MAB21L4: variants seen among roughly 807,000 people sequenced by gnomAD.
MAB21L4 encodes the protein protein mab-21-like 4.
In MAB21L4, 25 loss-of-function variants were observed where a neutral mutation model predicts 32.4. The ratio of observed to expected loss-of-function variants is 0.77; its 90% CI spans 0.56 to 1.08. The LOEUF is 1.08. Ranked by LOEUF, MAB21L4 falls within the 50% of genes least tolerant of loss-of-function variation. MAB21L4 has a pLI of 0.00. For missense variants in MAB21L4, 638 were observed against 611.0 expected (o/e 1.04, Z -0.47); for synonymous variants, 280 against 276.8 (o/e 1.01, Z -0.11).
chr2:240,889,146 C>T (rs973896997), intron 3 of MAB21L4, among the ~76,000 whole-genome samples: 2 of 152,170 alleles, frequency 1.3e-5, no homozygotes, highest in African/African-American at 4.8e-5. Context: ...TGCCCCAGGC[C>T]CTGTCTCACA....
chr2:240,894,195 G>A (rs1333361916), intron 1 of MAB21L4, among the ~76,000 whole-genome samples: 5 of 151,866 alleles, frequency 3.3e-5, no homozygotes, highest in African/African-American at 1.2e-4. Context: ...GCAGATCATG[G>A]CCTCTCGCGA....
intron 2 of MAB21L4, among the ~76,000 whole-genome samples, chr2:240,890,568 C>T (rs777454463): frequency 4.6e-5 from 7 of 152,204 alleles, no homozygotes; most frequent in African/African-American, 7.2e-5. Flanking sequence ...CACACCCCAG[C>T]CCCGCCTATG....
chr2:240,894,014 C>T (rs1259082389), intron 1 of MAB21L4, among the ~76,000 whole-genome samples: 1 of 151,980 alleles, frequency 6.6e-6, no homozygotes, highest in Non-Finnish European at 1.5e-5. Flanking sequence ...AGTCACTTAC[C>T]CCAGGGCACT....
intron 4 of MAB21L4, among the ~76,000 whole-genome samples, chr2:240,887,376 C>T (rs2059104970): frequency 6.6e-6 from 1 of 152,246 alleles, no homozygotes; most frequent in African/African-American, 2.4e-5. Context: ...GCGTCCCTGG[C>T]ATGGGCCTAC....
upstream of MAB21L4, chr2:240,896,245 A>G: frequency 9.2e-7 from 1 of 1,081,734 alleles, no homozygotes; most frequent in Non-Finnish European, 1.2e-6. Flanking sequence ...GGGGCCATGC[A>G]GGGCAGGCGG....
Position 240,888,373 on chromosome 2 carries a change from G to T in MAB21L4, c.1170C>A (p.Ser390=). The stretch of plus-strand genomic sequence containing the variant: ...GCAGCTGCAGGAGCGCCTTGAGCCC[G>T]GAGCCGATGCGCGGCGGGGGGCTGC... ...LGRSPPPRIG[S]GLKALLQLPA... Residue 390 remains serine (S), a synonymous_variant, in exon 4 of 5, where the codon TCC becomes TCA. Transcript: ENST00000388934. 6.4e-7 allele frequency: 1 copy of T among 1,569,638 alleles called. No individual in the cohort carries two copies. The highest frequency in any genetic ancestry group is 8.6e-7 in the Non-Finnish European group (1 of 1,160,668).
At chr2:240,893,740 A>ACTCTGGGGGCATGAGGAGCCT (rs1553651790) in intron 1 of MAB21L4, among the ~76,000 whole-genome samples, 3 of 151,582 alleles carry the variant, frequency 2.0e-5, no homozygotes, top group Non-Finnish European at 2.9e-5. Context: ...CTCAGGAGGC[A>ACTCTGGGGGCATGAGGAGCCT]CTCTGGGGGC....
In MAB21L4 at chr2:240,888,664, G is replaced by A. The variant is rs1375821244; in HGVS notation, c.895-16C>T. On this transcript the variant is annotated splice_polypyrimidine_tract_variant and intron_variant, in intron 3 of 4. Coordinates refer to ENST00000388934, the MANE Select transcript of MAB21L4 (RefSeq NM_001085437.3). The stretch of plus-strand genomic sequence containing the variant: ...GCAGCACCATCTGCAGGACAGCAGG[G>A]TCAGCCCTGGCCTCCTGGCCCACCC... 7 of 1,508,020 alleles carry A rather than the reference G, an allele frequency of 4.6e-6. No individual in the cohort carries two copies. In the South Asian group the frequency reaches 9.1e-5, roughly 20 times the overall value. 93.4% of individuals were successfully genotyped at this position (1,508,020 alleles called of 1,614,324 possible).
At chr2:240,890,819 C>A (rs1209346155) in intron 2 of MAB21L4, among the ~76,000 whole-genome samples, 12 of 152,230 alleles carry the variant, frequency 7.9e-5, no homozygotes, top group Non-Finnish European at 1.5e-4. Context: ...CCTTGGCAGG[C>A]GGGCAGGTAG....
chr2:240,889,059 G>A (rs936829885), intron 3 of MAB21L4, among the ~76,000 whole-genome samples: 11 of 152,116 alleles, frequency 7.2e-5, no homozygotes. Flanking sequence ...GTCCTAGCCT[G>A]TGTGCTCATG....
intron 1 of MAB21L4, among the ~76,000 whole-genome samples, chr2:240,892,226 T>G (rs1199689843): frequency 1.3e-5 from 2 of 152,108 alleles, no homozygotes; most frequent in Non-Finnish European, 2.9e-5. Flanking sequence ...CTCTGCTGCC[T>G]TCTCTGCAGG....
At position 240,895,940 on chromosome 2, in the gene MAB21L4, G is replaced by A. The variant is rs1574730828; in HGVS notation, c.58C>T (p.His20Tyr). 1.3e-6 allele frequency: 2 copies of A among 1,493,098 alleles called. No homozygotes were observed. The highest frequency in any genetic ancestry group is 2.3e-5 in the East Asian group (1 of 42,752). 92.5% of individuals were successfully genotyped at this position (1,493,098 alleles called of 1,614,324 possible). Reference sequence around the variant, plus strand: ...CGGGACCGGATGGCCTGCAGGTAGTGGTGCCACAGGGGCACCTGCACGGCC... The same window carrying A: ...CGGGACCGGATGGCCTGCAGGTAGTAGTGCCACAGGGGCACCTGCACGGCC... ...AMAVQVPLWHHYLQAIRSREA... is the reference protein window; with the variant it reads ...AMAVQVPLWHYYLQAIRSREA... The change falls in exon 1 of 5, where the codon CAC (histidine) becomes TAC (tyrosine). Residue 20 changes from histidine (H) to tyrosine (Y), a missense_variant. His to Tyr is a moderately conservative substitution (Grantham distance 83). Transcript: ENST00000388934.
Position 240,888,296 on chromosome 2 carries a change from T to C in MAB21L4, c.1247A>G (p.Asp416Gly), listed in dbSNP as rs779593355. The C allele has an allele frequency of 2.5e-5, 39 of 1,557,808 alleles. No individual in the cohort carries two copies. The highest frequency in any genetic ancestry group is 3.3e-5 in the Non-Finnish European group (38 of 1,157,118). The change falls in exon 4 of 5, where the codon GAC becomes GGC. Residue 416 changes from aspartate (D) to glycine (G), a missense_variant. Physicochemically the swap from Asp to Gly is moderately conservative, Grantham distance 94 (BLOSUM62 -1). Coordinates refer to ENST00000388934, the MANE Select transcript of MAB21L4 (RefSeq NM_001085437.3). ...GCCCCCGCAGCCAGCACCCACCTTG[T>C]CCAGCAGGACGTCGAAGTAGGCAGT... ...WATAYFDVLL[D>G]KFQVFNIQDK...
In MAB21L4 at chr2:240,888,520, G is replaced by A. The variant is rs777486878; in HGVS notation, c.1023C>T (p.Leu341=). The change falls in exon 4 of 5, where the codon CTC becomes CTT. Residue 341 remains leucine (L), a synonymous_variant. Coordinates refer to ENST00000388934, the MANE Select transcript of MAB21L4 (RefSeq NM_001085437.3). ...CCTGCAGCAGGTTGCGCTGCGGGTG[G>A]AGGAAGTGGGGCAGCTTCCGCGTGG... is the stretch of plus-strand genomic sequence containing the variant. ...CLATRKLPHF[L]HPQRNLLQGS... 8.1e-6 allele frequency: 13 copies of A among 1,607,978 alleles called. No homozygotes were observed. The Admixed American group carries it at 2.2e-4, about 27-fold the overall frequency.
chr2:240,894,450 T>C (rs2059174013), intron 1 of MAB21L4, among the ~76,000 whole-genome samples: 1 of 152,126 alleles, frequency 6.6e-6, no homozygotes. Context: ...ACCGTCGCCG[T>C]CCAGGCAGCC....
At position 240,891,689 on chromosome 2, in the gene MAB21L4, T is replaced by C. The variant is rs773023319; in HGVS notation, c.589A>G (p.Ile197Val). Residue 197 changes from isoleucine (I) to valine (V), a missense_variant, in exon 2 of 5, where the codon ATC becomes GTC. Physicochemically the swap from Ile to Val is conservative, Grantham distance 29 (BLOSUM62 3). Coordinates refer to ENST00000388934, the MANE Select transcript of MAB21L4 (RefSeq NM_001085437.3). ...ACCACGGGCACCACGTGGAAGCTGATTGTTCTCCAGCCGCTGGACACCAGC... is the reference window on the plus strand; with the variant it reads ...ACCACGGGCACCACGTGGAAGCTGACTGTTCTCCAGCCGCTGGACACCAGC... ...SLLVSSGWRT[I>V]SFHVVPVVRR... The C allele has an allele frequency of 1.9e-6, 3 of 1,609,906 alleles. No homozygotes were observed. The highest frequency in any genetic ancestry group is 4.5e-5 in the East Asian group (2 of 44,884).
At chr2:240,889,648 G>C (rs2059126701) in intron 3 of MAB21L4, among the ~76,000 whole-genome samples, 1 of 152,228 alleles carries the variant, frequency 6.6e-6, no homozygotes, top group African/African-American at 2.4e-5. Context: ...TCCCAGCCAG[G>C]TGACATTCCC....
In MAB21L4 at chr2:240,888,379, G is replaced by C. The variant is rs201699531; in HGVS notation, c.1164C>G (p.Ile388Met). ...GCAGGAGCGCCTTGAGCCCGGAGCC[G>C]ATGCGCGGCGGGGGGCTGCGGCCCA... ...THLGRSPPPR[I>M]GSGLKALLQL... The change falls in exon 4 of 5, where the codon ATC becomes ATG. Residue 388 changes from isoleucine (I) to methionine (M), a missense_variant. Ile to Met is a conservative substitution (Grantham distance 10). Transcript: ENST00000388934. 170 of 1,565,908 alleles carry C rather than the reference G, an allele frequency of 1.1e-4. 1 individual carries two copies. The East Asian group carries it at 3.6e-3, about 33-fold the overall frequency.
chr2:240,888,289 C>G lies in MAB21L4; in HGVS notation c.1251+3G>C. ...GCCCAAGGCCCCCGCAGCCAGCACC[C>G]ACCTTGTCCAGCAGGACGTCGAAGT... On this transcript the variant is annotated splice_donor_region_variant and intron_variant, in intron 4 of 4. Coordinates refer to ENST00000388934, the MANE Select transcript of MAB21L4 (RefSeq NM_001085437.3). The G allele has an allele frequency of 6.5e-7, 1 of 1,545,190 alleles. No homozygotes were observed. The highest frequency in any genetic ancestry group is 2.3e-5 in the East Asian group (1 of 43,156).
Sources: allele counts gnomAD v4.1 joint callset (sites outside exome capture counted in the v4.1 genomes callset), GRCh38; gene constraint gnomAD v4.1.1; transcripts MANE v1.5; gene names NCBI Gene and HGNC (gene_info 2026-07-23, HGNC 2026-07-21).